The following SH3GL2 variants were observed in gnomAD, a reference collection of about 807,000 sequenced individuals.
SH3GL2 encodes the protein endophilin-A1.
A neutral mutation model predicts 46.0 loss-of-function variants in SH3GL2; 24 were observed. The observed-to-expected ratio is 0.52, with a 90% confidence interval of 0.38 to 0.73. SH3GL2 has a LOEUF of 0.73. Ranked by LOEUF, SH3GL2 falls within the 30% of genes least tolerant of loss-of-function variation. The pLI, the probability that SH3GL2 is intolerant of heterozygous loss-of-function variation, is 0.00. For missense variants in SH3GL2, 413 were observed against 424.2 expected (o/e 0.97, Z 0.23); for synonymous variants, 196 against 147.1 (o/e 1.33, Z -2.40).
At chr9:17,653,329 T>A (rs1168705953) in intron 1 of SH3GL2, among the ~76,000 whole-genome samples, 2 of 152,192 alleles carry the variant, frequency 1.3e-5, no homozygotes, top group Non-Finnish European at 2.9e-5. Flanking sequence ...TGTTATTTCT[T>A]CAATACTTTC....
chr9:17,747,893 C>T (rs550869776), intron 2 of SH3GL2, among the ~76,000 whole-genome samples: 4 of 151,970 alleles, frequency 2.6e-5, no homozygotes, highest in African/African-American at 7.3e-5. Flanking sequence ...AGGCTGGTCT[C>T]GAACTCCTAA....
chr9:17,742,496 A>G (rs1239335018), intron 1 of SH3GL2, among the ~76,000 whole-genome samples: 1 of 152,168 alleles, frequency 6.6e-6, no homozygotes, highest in Non-Finnish European at 1.5e-5. Context: ...TGATTGTATT[A>G]TTTATTTTCT....
chr9:17,617,774 T>C (rs1234954095), intron 1 of SH3GL2, among the ~76,000 whole-genome samples: 1 of 152,194 alleles, frequency 6.6e-6, no homozygotes. Flanking sequence ...ATGTAGCTTG[T>C]TCACCTCTCT....
intron 1 of SH3GL2, among the ~76,000 whole-genome samples, chr9:17,666,929 A>G (rs1005182588): frequency 2.0e-5 from 3 of 152,138 alleles, no homozygotes; most frequent in Non-Finnish European, 4.4e-5. Flanking sequence ...TGTGTTGTCA[A>G]ATGTTTTAAT....
chr9:17,726,854 G>A (rs1822033183), intron 1 of SH3GL2, among the ~76,000 whole-genome samples: 1 of 152,128 alleles, frequency 6.6e-6, no homozygotes, highest in African/African-American at 2.4e-5. Context: ...CTGCAGATAG[G>A]ACTATAAGTT....
intron 1 of SH3GL2, among the ~76,000 whole-genome samples, chr9:17,633,404 G>A (rs192596089): frequency 6.6e-6 from 1 of 152,180 alleles, no homozygotes; most frequent in Non-Finnish European, 1.5e-5. Context: ...AAAAGCATGG[G>A]TAACTGCTTA....
At chr9:17,581,307 G>A (rs545408497) in intron 1 of SH3GL2, among the ~76,000 whole-genome samples, 13 of 152,208 alleles carry the variant, frequency 8.5e-5, no homozygotes, top group Non-Finnish European at 1.6e-4. Context: ...GGAGAAGGTC[G>A]GCATGTGATG....
chr9:17,729,233 T>C (rs1246572235), intron 1 of SH3GL2, among the ~76,000 whole-genome samples: 1 of 152,200 alleles, frequency 6.6e-6, no homozygotes, highest in Non-Finnish European at 1.5e-5. Flanking sequence ...ATGAGCTTTT[T>C]TTCATATGTT....
intron 1 of SH3GL2, among the ~76,000 whole-genome samples, chr9:17,580,474 G>C (rs140506669): frequency 6.6e-6 from 1 of 152,200 alleles, no homozygotes; most frequent in African/African-American, 2.4e-5. Flanking sequence ...GTGTTTGCAC[G>C]CATCTGCATC....
At chr9:17,658,057 G>T (rs1330488641) in intron 1 of SH3GL2, among the ~76,000 whole-genome samples, 1 of 152,152 alleles carries the variant, frequency 6.6e-6, no homozygotes, top group African/African-American at 2.4e-5. Context: ...GAGGTGAGCA[G>T]GTGCTCCCCT....
intron 1 of SH3GL2, among the ~76,000 whole-genome samples, chr9:17,662,110 A>G (rs1028608665): frequency 2.6e-5 from 4 of 152,196 alleles, no homozygotes; most frequent in African/African-American, 9.7e-5. Context: ...TGAGTGCTTG[A>G]TAAGAATGTG....
At chr9:17,792,750 T>C (rs1361745832) in intron 7 of SH3GL2, among the ~76,000 whole-genome samples, 1 of 152,192 alleles carries the variant, frequency 6.6e-6, no homozygotes, top group Non-Finnish European at 1.5e-5. Context: ...AGCTTCCTTA[T>C]GGAGAGATAG....
intron 1 of SH3GL2, among the ~76,000 whole-genome samples, chr9:17,713,097 G>A (rs1563823310): frequency 6.6e-6 from 1 of 150,812 alleles, no homozygotes; most frequent in Non-Finnish European, 1.5e-5. Context: ...ATCAAAAGTA[G>A]ATGTTAGATT....
At position 17,643,327 on chromosome 9, in the gene SH3GL2, T is replaced by C. The variant is rs890717970; in HGVS notation, c.45+64040T>C. 3.3e-5 allele frequency among the ~76,000 whole-genome samples: 5 copies of C among 152,334 alleles called. No homozygotes were observed. The East Asian group carries it at 9.6e-4, about 29-fold the overall frequency. ...GTTTTCTAAATATACAATCATGTCA[T>C]CTGCAGACAATAGTTTGAGTTCTTC... On this transcript the variant is annotated intron_variant, in intron 1 of 8. Transcript: ENST00000380607.
chr9:17,718,966 T>A (rs1821827216), intron 1 of SH3GL2, among the ~76,000 whole-genome samples: 1 of 152,136 alleles, frequency 6.6e-6, no homozygotes, highest in South Asian at 2.1e-4. Flanking sequence ...TTCTGAGGGT[T>A]TACTTTTTAT....
intron 1 of SH3GL2, among the ~76,000 whole-genome samples, chr9:17,738,565 C>T (rs868831557): frequency 1.5e-4 from 8 of 53,228 alleles, no homozygotes; most frequent in East Asian, 1.6e-3. Flanking sequence ...TATATACATA[C>T]ATATATATAT....
Position 17,761,500 on chromosome 9 carries a change from C to G in SH3GL2, c.178C>G (p.Pro60Ala), listed in dbSNP as rs751434805. ...GACTAAAACAATTGAATACCTTCAA[C>G]CCAATCCAGGTAAGGCATCATCTTA... is the stretch of plus-strand genomic sequence containing the variant. ...IMTKTIEYLQ[P>A]NPASRAKLSM... The change falls in exon 3 of 9, where the codon CCC becomes GCC. Residue 60 changes from proline to alanine, a missense_variant. Physicochemically the swap from Pro to Ala is conservative, Grantham distance 27. Transcript: ENST00000380607. The G allele has an allele frequency of 1.7e-5, 27 of 1,585,764 alleles. No homozygotes were observed. Among genetic ancestry groups the G allele is most frequent in the Non-Finnish European group, 2.3e-5 (27 of 1,154,248 alleles).
At chr9:17,629,946 G>A (rs933275181) in intron 1 of SH3GL2, among the ~76,000 whole-genome samples, 1 of 152,126 alleles carries the variant, frequency 6.6e-6, no homozygotes, top group Non-Finnish European at 1.5e-5. Flanking sequence ...CACCTGTAAT[G>A]GAATCACATG....
At chr9:17,592,887 C>T (rs1355664266) in intron 1 of SH3GL2, among the ~76,000 whole-genome samples, 1 of 152,164 alleles carries the variant, frequency 6.6e-6, no homozygotes, top group African/African-American at 2.4e-5. Flanking sequence ...GGACTTTCAG[C>T]TCCAGCCTCC....
Sources: gnomAD v4.1 joint callset for allele counts (sites outside exome capture counted in the v4.1 genomes callset) on GRCh38, gnomAD v4.1.1 for gene constraint, MANE v1.5 for transcripts, NCBI Gene and HGNC (gene_info 2026-07-23, HGNC 2026-07-21) for gene names.